LNX2: variants seen among roughly 807,000 people sequenced by gnomAD.
The protein encoded by LNX2 is ligand of Numb protein X 2.
Under a neutral mutation model 66.2 loss-of-function variants are expected in LNX2, and 35 were observed. The observed-to-expected ratio is 0.53, with a 90% CI of 0.40 to 0.70. The LOEUF (loss-of-function observed/expected upper bound fraction) is 0.70, where lower values mean the gene tolerates loss of function less well. LNX2 is among the 30% of genes least tolerant of loss of function. LNX2 has a pLI of 0.00. For synonymous variants in LNX2, 337 were observed against 315.6 expected (o/e 1.07, Z -0.72); for missense variants, 791 against 850.8 (o/e 0.93, Z 0.87).
intron 2 of LNX2, among the ~76,000 whole-genome samples, chr13:27,580,305 G>A (rs1462818720): frequency 6.6e-6 from 1 of 151,842 alleles, no homozygotes; most frequent in East Asian, 1.9e-4. Flanking sequence ...TAAAATGAGG[G>A]GGATTAGATA....
chr13:27,617,430 A>G (rs771165277), intron 1 of LNX2, among the ~76,000 whole-genome samples: 1 of 152,218 alleles, frequency 6.6e-6, no homozygotes, highest in Non-Finnish European at 1.5e-5. Flanking sequence ...AGCAGGAAGG[A>G]AAGTTAAATA....
chr13:27,614,340 A>G (rs1955804602), intron 1 of LNX2, among the ~76,000 whole-genome samples: 1 of 152,092 alleles, frequency 6.6e-6, no homozygotes, highest in African/African-American at 2.4e-5. Context: ...GCCTTTTGAG[A>G]TATCTGTTCA....
intron 4 of LNX2, 152 bp downstream of exon 4, chr13:27,567,488 C>T (rs1037152525): frequency 6.0e-6 from 4 of 662,518 alleles, no homozygotes; most frequent in Non-Finnish European, 1.0e-5. Flanking sequence ...GAAAATACCA[C>T]AAATTACACA....
intron 1 of LNX2, among the ~76,000 whole-genome samples, chr13:27,594,857 C>T (rs1387945728): frequency 6.6e-6 from 1 of 151,962 alleles, no homozygotes; most frequent in Non-Finnish European, 1.5e-5. Flanking sequence ...TTCCCACCAC[C>T]TCTCTCAGTT....
At chr13:27,615,536 G>A (rs1955817249) in intron 1 of LNX2, among the ~76,000 whole-genome samples, 2 of 152,140 alleles carry the variant, frequency 1.3e-5, no homozygotes, top group African/African-American at 4.8e-5. Context: ...CCTCCCTGGA[G>A]GGTGGTGGTG....
chr13:27,619,661 G>T (rs1199857537), intron 1 of LNX2, among the ~76,000 whole-genome samples: 1 of 152,298 alleles, frequency 6.6e-6, no homozygotes, highest in African/African-American at 2.4e-5. Context: ...CGAACGTCTG[G>T]ATTCATAAAC....
rs1459975318 is a variant in LNX2 at position 27,546,085 on chromosome 13, C to A, written c.*2250G>T. 1 of 152,116 alleles carries A rather than the reference C, an allele frequency of 6.6e-6. No homozygotes were observed. The highest frequency in any genetic ancestry group is 1.5e-5 in the Non-Finnish European group (1 of 68,000). The allele number at this position is 152,116 out of a possible 1,614,324, so 9.4% of individuals were successfully genotyped here. A position where few individuals can be genotyped will look rare whatever the true frequency, so the allele number is the denominator to read the frequency against. ...TTCTATAGTAACAATAAATTATGAA[C>A]AAGTTTCCGTCACCAAATATCACTC... On this transcript the variant is annotated 3_prime_UTR_variant, in exon 10 of 10. Coordinates refer to ENST00000316334, the MANE Select transcript of LNX2 (RefSeq NM_153371.4).
chr13:27,553,164 G>A (rs1404728277), intron 8 of LNX2, 44 bp downstream of exon 8: 3 of 1,513,778 alleles, frequency 2.0e-6, no homozygotes, highest in East Asian at 2.3e-5. Context: ...AGGGCTGCAA[G>A]CATGATTATG....
At chr13:27,584,503 T>C (rs1480560481) in intron 1 of LNX2, among the ~76,000 whole-genome samples, 2 of 151,250 alleles carry the variant, frequency 1.3e-5, no homozygotes, top group Admixed American at 1.3e-4. Flanking sequence ...CCTGGCAACA[T>C]GGTGAGACCC....
At chr13:27,602,538 T>TATAC (rs141885170) in intron 1 of LNX2, among the ~76,000 whole-genome samples, 14 of 29,870 alleles carry the variant, frequency 4.7e-4, no homozygotes, top group Middle Eastern at 0.022. Context: ...TATGCTGTGG[T>TATAC]ATATATCAGT....
chr13:27,590,726 CG>C (rs1955538256), intron 1 of LNX2, among the ~76,000 whole-genome samples: 1 of 152,022 alleles, frequency 6.6e-6, no homozygotes, highest in South Asian at 2.1e-4. Flanking sequence ...GCAAAAGAAT[CG>C]GGTGGATACT....
At chr13:27,590,787 A>G (rs1427785968) in intron 1 of LNX2, among the ~76,000 whole-genome samples, 1 of 152,170 alleles carries the variant, frequency 6.6e-6, no homozygotes, top group African/African-American at 2.4e-5. Flanking sequence ...TAGAACTAAA[A>G]TAATATCATG....
At chr13:27,559,736 G>A in intron 6 of LNX2, 106 bp downstream of exon 6, 1 of 1,092,124 alleles carries the variant, frequency 9.2e-7, no homozygotes, top group Non-Finnish European at 1.2e-6. Flanking sequence ...TAAAAAAACT[G>A]CTTTATTGAG....
At position 27,567,789 on chromosome 13, in the gene LNX2, T is replaced by G. The variant is rs746376722; in HGVS notation, c.706A>C (p.Ile236Leu). The G allele has an allele frequency of 1.2e-6, 2 of 1,614,084 alleles. No homozygotes were observed. Among genetic ancestry groups the G allele is most frequent in the East Asian group, 4.5e-5 (2 of 44,874 alleles). ...TGAATGTAAGGATTGGACCGATGAA[T>G]TTCAATCGTGGTGATTTCTCCTTCT... ...LPEGEITTIE[I>L]HRSNPYIQLG... The change falls in exon 4 of 10, where the codon ATT becomes CTT. Residue 236 changes from isoleucine (I) to leucine (L), a missense_variant. Physicochemically the swap from Ile to Leu is conservative, Grantham distance 5. Transcript: ENST00000316334.
intron 1 of LNX2, among the ~76,000 whole-genome samples, chr13:27,598,822 C>T (rs1043821289): frequency 2.0e-5 from 3 of 152,072 alleles, no homozygotes; most frequent in Admixed American, 6.6e-5. Flanking sequence ...TATATATATA[C>T]ACAAACATGT....
chr13:27,612,790 A>G (rs1955785899), intron 1 of LNX2, among the ~76,000 whole-genome samples: 2 of 152,080 alleles, frequency 1.3e-5, no homozygotes, highest in South Asian at 2.1e-4. Context: ...AGGTTTCGCC[A>G]TGTTGCCCAG....
chr13:27,608,101 C>A (rs1004412344), intron 1 of LNX2, among the ~76,000 whole-genome samples: 7 of 152,146 alleles, frequency 4.6e-5, no homozygotes, highest in Non-Finnish European at 1.0e-4. Flanking sequence ...CAGTGCCAGG[C>A]ACATAACAGG....
rs112082001 is a variant in LNX2 at position 27,585,754 on chromosome 13, T to G, written c.-100-3951A>C. 3.3e-5 allele frequency among the ~76,000 whole-genome samples: 5 copies of G among 151,900 alleles called. No individual in the cohort carries two copies. The East Asian group carries it at 5.8e-4, about 18-fold the overall frequency. ...TATTCACTTATTTTTTACCCCTCTT[T>G]GTGATAGTGTTTATTCTAATTTTTC... On this transcript the variant is annotated intron_variant, in intron 1 of 9. Coordinates refer to ENST00000316334, the MANE Select transcript of LNX2 (RefSeq NM_153371.4).
At position 27,583,255 on chromosome 13, in the gene LNX2, T is replaced by TGCGCGCGCGCGCGCGCGC. The variant is rs1227667311; in HGVS notation, c.-100-1453_-100-1452insGCGCGCGCGCGCGCGCGC. Among the ~76,000 whole-genome samples the TGCGCGCGCGCGCGCGCGC allele has an allele frequency of 1.0e-3, 59 of 58,528 alleles. 12 individuals carry two copies. Among genetic ancestry groups the TGCGCGCGCGCGCGCGCGC allele is most frequent in the East Asian group, 3.6e-3 (5 of 1,388 alleles). The allele number at this position is 58,528 out of a possible 152,430, so 38.4% of individuals were successfully genotyped here. ...GTGTGTGTGTGTGTGTGTGTGTGTG[T>TGCGCGCGCGCGCGCGCGC]GCGCGCGTCCTCTCCAACATACTTA... is the stretch of plus-strand genomic sequence containing the variant. On this transcript the variant is annotated intron_variant, in intron 1 of 9. Coordinates refer to ENST00000316334, the MANE Select transcript of LNX2 (RefSeq NM_153371.4).
Sources: allele counts gnomAD v4.1 joint callset (sites outside exome capture counted in the v4.1 genomes callset), GRCh38; gene constraint gnomAD v4.1.1; transcripts MANE v1.5; gene names NCBI Gene and HGNC (gene_info 2026-07-23, HGNC 2026-07-21).